CYP7B1: variants seen among roughly 807,000 people sequenced by gnomAD.
The protein encoded by CYP7B1 is cytochrome P450 7B1.
CYP7B1 carries 29 observed loss-of-function variants against 42.7 expected under a neutral mutation model. The ratio of observed to expected loss-of-function variants is 0.68; its 90% CI spans 0.51 to 0.93. The LOEUF (loss-of-function observed/expected upper bound fraction) is 0.93. Among genes scored for constraint, CYP7B1 ranks in the 40% least tolerant of loss-of-function variants. The pLI is 0.00. For missense variants in CYP7B1, 655 were observed against 600.5 expected (o/e 1.09, Z -0.95); for synonymous variants, 235 against 218.2 (o/e 1.08, Z -0.68).
chr8:64,586,743 A>G (rs1804973475), downstream of CYP7B1, among the ~76,000 whole-genome samples: 1 of 152,244 alleles, frequency 6.6e-6, no homozygotes, highest in Admixed American at 6.5e-5. Flanking sequence ...GTAAGACTAA[A>G]TTATCCACGT....
intron 1 of CYP7B1, among the ~76,000 whole-genome samples, chr8:64,676,030 G>A (rs1423538180): frequency 6.6e-6 from 1 of 152,084 alleles, no homozygotes; most frequent in African/African-American, 2.4e-5. Context: ...AGAGTGCAAG[G>A]AACAGCAGAA....
intron 1 of CYP7B1, among the ~76,000 whole-genome samples, chr8:64,637,198 C>A (rs542117183): frequency 4.9e-4 from 75 of 152,214 alleles, no homozygotes; most frequent in African/African-American, 1.8e-3. Flanking sequence ...CAGATCAACA[C>A]CAAAATAATC....
chr8:64,606,430 A>C (rs566556786), intron 4 of CYP7B1, among the ~76,000 whole-genome samples: 25 of 152,328 alleles, frequency 1.6e-4, no homozygotes, highest in Admixed American at 1.2e-3. Flanking sequence ...ATGGTAGCTG[A>C]CATATGTAGC....
At chr8:64,625,134 C>A (rs1439463628) in intron 1 of CYP7B1, among the ~76,000 whole-genome samples, 1 of 151,870 alleles carries the variant, frequency 6.6e-6, no homozygotes, top group Non-Finnish European at 1.5e-5. Context: ...CCACCACACC[C>A]GGCTAATTTT....
intron 1 of CYP7B1, among the ~76,000 whole-genome samples, chr8:64,788,351 C>G (rs920234037): frequency 6.6e-6 from 1 of 152,198 alleles, no homozygotes; most frequent in Non-Finnish European, 1.5e-5. Flanking sequence ...TTTGTGATAA[C>G]TTGATGAGAA....
At chr8:64,710,000 C>G (rs1286103619) in intron 1 of CYP7B1, among the ~76,000 whole-genome samples, 1 of 152,034 alleles carries the variant, frequency 6.6e-6, no homozygotes, top group Admixed American at 6.6e-5. Context: ...CAGGCCATAT[C>G]GAGAACAGTT....
chr8:64,708,185 TA>T (rs1287894689), intron 1 of CYP7B1, among the ~76,000 whole-genome samples: 1 of 152,218 alleles, frequency 6.6e-6, no homozygotes, highest in Non-Finnish European at 1.5e-5. Flanking sequence ...GAATCTGACT[TA>T]ATCTAAATAT....
At chr8:64,682,604 TTC>T (rs1806555769) in intron 1 of CYP7B1, among the ~76,000 whole-genome samples, 1 of 152,170 alleles carries the variant, frequency 6.6e-6, no homozygotes, top group East Asian at 1.9e-4. Context: ...TGCTTCTCAG[TTC>T]CTCTGTCTGT....
downstream of CYP7B1, among the ~76,000 whole-genome samples, chr8:64,589,619 GTATC>G (rs1805009301): frequency 6.6e-6 from 1 of 152,122 alleles, no homozygotes; most frequent in Non-Finnish European, 1.5e-5. Context: ...AAAAAGTTTG[GTATC>G]TATCAGGCAA....
chr8:64,604,912 G>C, intron 4 of CYP7B1, 55 bp from the exon 5 acceptor site: 4 of 1,568,738 alleles, frequency 2.5e-6, no homozygotes, highest in Non-Finnish European at 3.5e-6. Context: ...CCTGAAAACT[G>C]CTCTCAGTTT....
rs59035258 is a variant in CYP7B1 at position 64,615,112 on chromosome 8, C to T, written c.971G>A (p.Arg324His). 59,236 of 1,613,552 alleles carry T rather than the reference C, an allele frequency of 0.037. 1,319 individuals carry two copies. The highest frequency in any genetic ancestry group is 0.063 in the Middle Eastern group (381 of 6,062). Residue 324 changes from arginine to histidine, a missense_variant, in exon 4 of 6, where the codon CGT (arginine) becomes CAT (histidine). Arg to His is a conservative substitution (Grantham distance 29). Transcript: ENST00000310193. ...AMAAVRDEID[R>H]LLQSTGQKKG... ...CTTTTGACCTGTTGACTGCAGCAAA[C>T]GGTCAATTTCGTCACGCACTGCTGC... is the stretch of plus-strand genomic sequence containing the variant.
chr8:64,785,705 A>G (rs1029738091), intron 1 of CYP7B1, among the ~76,000 whole-genome samples: 1 of 152,152 alleles, frequency 6.6e-6, no homozygotes, highest in African/African-American at 2.4e-5. Flanking sequence ...AAGGTTAGGT[A>G]GGTAAGAGGG....
chr8:64,641,791 A>C (rs1805859939), intron 1 of CYP7B1, among the ~76,000 whole-genome samples: 1 of 152,184 alleles, frequency 6.6e-6, no homozygotes, highest in African/African-American at 2.4e-5. Flanking sequence ...TCCCAACAGA[A>C]GCTGTATGAG....
intron 1 of CYP7B1, among the ~76,000 whole-genome samples, chr8:64,747,567 G>T (rs1003764762): frequency 6.6e-6 from 1 of 151,814 alleles, no homozygotes; most frequent in Non-Finnish European, 1.5e-5. Context: ...TAAGGAGGAG[G>T]ATGAGGAAGA....
At chr8:64,615,586 A>T in intron 3 of CYP7B1, 105 bp downstream of exon 3, 1 of 1,081,672 alleles carries the variant, frequency 9.2e-7, no homozygotes, top group Non-Finnish European at 1.4e-6. Context: ...TTAGCCAATT[A>T]GAAAGAGCAT....
intron 1 of CYP7B1, among the ~76,000 whole-genome samples, chr8:64,659,485 C>T (rs1004411310): frequency 3.9e-5 from 6 of 151,988 alleles, no homozygotes; most frequent in African/African-American, 1.4e-4. Context: ...TAGAATTGGG[C>T]CTGTCACATA....
At chr8:64,607,086 C>T (rs2129629989) in intron 4 of CYP7B1, among the ~76,000 whole-genome samples, 1 of 152,270 alleles carries the variant, frequency 6.6e-6, no homozygotes, top group East Asian at 1.9e-4. Flanking sequence ...CACGGTAGAG[C>T]AACATCTGTT....
chr8:64,736,659 CAGGCTGGTCT>C (rs1807492690), intron 1 of CYP7B1, among the ~76,000 whole-genome samples: 1 of 152,102 alleles, frequency 6.6e-6, no homozygotes. Flanking sequence ...CCATGTTGGT[CAGGCTGGTCT>C]CGAACTCCTG....
intron 1 of CYP7B1, among the ~76,000 whole-genome samples, chr8:64,702,685 C>T (rs777786485): frequency 3.3e-5 from 5 of 152,018 alleles, no homozygotes; most frequent in African/African-American, 7.2e-5. Flanking sequence ...CAATAAACAG[C>T]GGTGGTGCTG....
Sources: allele counts gnomAD v4.1 joint callset (sites outside exome capture counted in the v4.1 genomes callset), GRCh38; gene constraint gnomAD v4.1.1; transcripts MANE v1.5; gene names NCBI Gene and HGNC (gene_info 2026-07-23, HGNC 2026-07-21).